Variants in DIP2A observed in about 807,000 individuals in gnomAD.
The protein encoded by DIP2A is disco-interacting protein 2 homolog A.
In DIP2A, 85 loss-of-function variants were observed where a neutral mutation model predicts 177.4. The ratio of observed to expected loss-of-function variants is 0.48; its 90% CI spans 0.40 to 0.57. DIP2A has a LOEUF of 0.57. Among genes scored for constraint, DIP2A ranks in the 20% least tolerant of loss-of-function variants. DIP2A has a pLI of 0.00. For missense variants in DIP2A, 1,791 were observed against 2,100.2 expected (o/e 0.85, Z 2.88); for synonymous variants, 886 against 881.8 (o/e 1.00, Z -0.08).
intron 18 of DIP2A, among the ~76,000 whole-genome samples, chr21:46,544,928 A>G (rs2148833872): frequency 6.6e-6 from 1 of 152,352 alleles, no homozygotes; most frequent in Admixed American, 6.5e-5. Context: ...TGGTCACCTT[A>G]CATTGATTAT....
At position 46,459,159 on chromosome 21, in the gene DIP2A, G is replaced by T. The variant is rs975645606; in HGVS notation, c.28G>T (p.Ala10Ser). 1.9e-5 allele frequency: 29 copies of T among 1,519,346 alleles called. No individual in the cohort carries two copies. The highest frequency in any genetic ancestry group is 2.5e-5 in the Non-Finnish European group (28 of 1,134,524). 94.1% of individuals were successfully genotyped at this position (1,519,346 alleles called of 1,614,324 possible). Reference protein sequence around the residue: MADRGCPLEAAPLPAEVRES... With the variant: MADRGCPLESAPLPAEVRES... ...GGCTGACCGCGGGTGCCCGCTGGAG[G>T]CGGCGCCGCTGCCTGCCGAGGTGCG... The change falls in exon 1 of 38, where the codon GCG becomes TCG. Residue 10 changes from alanine to serine, a missense_variant. Coordinates refer to ENST00000417564, the MANE Select transcript of DIP2A (RefSeq NM_015151.4).
At chr21:46,546,095 C>T in intron 20 of DIP2A, 134 bp downstream of exon 20, 1 of 1,511,074 alleles carries the variant, frequency 6.6e-7, no homozygotes, top group Non-Finnish European at 8.9e-7. Context: ...GTGGCGCTGA[C>T]CTCCCTGCCC....
chr21:46,529,971 C>A (rs1308868417), intron 9 of DIP2A, among the ~76,000 whole-genome samples: 1 of 152,058 alleles, frequency 6.6e-6, no homozygotes, highest in Non-Finnish European at 1.5e-5. Context: ...TTAAATTAAC[C>A]AAAATTAAAT....
At position 46,537,510 on chromosome 21, in the gene DIP2A, C is replaced by T; in HGVS notation, c.1772C>T (p.Ser591Phe). Residue 591 changes from serine (S) to phenylalanine (F), a missense_variant, in exon 15 of 38, where the codon TCC (serine) becomes TTC (phenylalanine). Coordinates refer to ENST00000417564, the MANE Select transcript of DIP2A (RefSeq NM_015151.4). This position sits in a 1 kb window ranked among gnomAD's most constrained non-coding sequence, Gnocchi z 4.1. ...PYALMKANPL[S>F]WIQKVCFYKA... ...GCGCTGATGAAGGCGAACCCACTCT[C>T]CTGGATCCAGAAAGTGTGCTTCTAT... is the stretch of plus-strand genomic sequence containing the variant. The T allele has an allele frequency of 6.2e-7, 1 of 1,614,222 alleles. No individual in the cohort carries two copies. Among genetic ancestry groups the T allele is most frequent in the Non-Finnish European group, 8.5e-7 (1 of 1,180,042 alleles).
At chr21:46,574,074 G>A (rs1463946416), downstream of DIP2A, among the ~76,000 whole-genome samples, 1 of 152,092 alleles carries the variant, frequency 6.6e-6, no homozygotes, top group East Asian at 1.9e-4. Flanking sequence ...AAGTTCACAT[G>A]GAACATTTTC....
At chr21:46,473,204 A>G (rs747023626) in intron 1 of DIP2A, among the ~76,000 whole-genome samples, 1 of 152,156 alleles carries the variant, frequency 6.6e-6, no homozygotes. Flanking sequence ...AACTCAGTGA[A>G]TCTTGTAAAC....
At chr21:46,463,719 T>TGTGTGTGTGTGTGTGTGTGTG (rs35675489) in intron 1 of DIP2A, among the ~76,000 whole-genome samples, 7 of 122,400 alleles carry the variant, frequency 5.7e-5, no homozygotes, top group Admixed American at 7.3e-5. Context: ...TGTGTGTGTG[T>TGTGTGTGTGTGTGTGTGTGTG]ATATTTTGAG....
chr21:46,499,080 A>G (rs576782665), intron 5 of DIP2A, among the ~76,000 whole-genome samples: 1 of 152,352 alleles, frequency 6.6e-6, no homozygotes, highest in African/African-American at 2.4e-5. Flanking sequence ...ATATTTGGTT[A>G]ATTCATCATT....
chr21:46,534,671 G>A lies in DIP2A; in HGVS notation c.1626G>A (p.Ala542=), dbSNP rs570134572. Residue 542 remains alanine (A), a synonymous_variant, in exon 13 of 38, where the codon GCG becomes GCA. Coordinates refer to ENST00000417564, the MANE Select transcript of DIP2A (RefSeq NM_015151.4). The part of the protein sequence containing the change: ...LLAQCRALTQ[A]CGYSEAETLT... ...CACAGTGCCGGGCTCTGACCCAGGC[G>A]TGCGGGTACTCAGAAGGTAAGGGCT... 77 of 1,609,950 alleles carry A rather than the reference G, an allele frequency of 4.8e-5. 2 individuals are homozygous for A. The South Asian group carries it at 6.6e-4, about 14-fold the overall frequency.
chr21:46,491,215 G>A (rs1266327763), intron 3 of DIP2A, among the ~76,000 whole-genome samples: 1 of 151,860 alleles, frequency 6.6e-6, no homozygotes, highest in African/African-American at 2.4e-5. Flanking sequence ...CAATAGAATG[G>A]CCATTGAAAA....
chr21:46,495,449 G>A (rs913049169), intron 3 of DIP2A, among the ~76,000 whole-genome samples: 7 of 151,666 alleles, frequency 4.6e-5, no homozygotes, highest in African/African-American at 1.7e-4. Context: ...TGTGTTTTTA[G>A]TAGAGACAGG....
intron 25 of DIP2A, 130 bp from the exon 26 acceptor site, chr21:46,554,038 CA>C (rs1348957890): frequency 2.4e-6 from 3 of 1,257,340 alleles, no homozygotes; most frequent in Non-Finnish European, 3.2e-6. Context: ...AGGACTGACA[CA>C]TTGTCATTAT....
At chr21:46,468,412 T>TAAA (rs59835943) in intron 1 of DIP2A, among the ~76,000 whole-genome samples, 1 of 142,604 alleles carries the variant, frequency 7.0e-6, no homozygotes, top group Non-Finnish European at 1.5e-5. Context: ...ATACCCTGTC[T>TAAA]AAAAAAAAAA....
At chr21:46,508,485 A>G (rs931215286) in intron 6 of DIP2A, among the ~76,000 whole-genome samples, 6 of 149,402 alleles carry the variant, frequency 4.0e-5, no homozygotes, top group Non-Finnish European at 7.4e-5. Flanking sequence ...CAGCCTCCCG[A>G]GTAGCTGGGA....
intron 6 of DIP2A, among the ~76,000 whole-genome samples, chr21:46,507,782 C>A (rs79117852): frequency 6.7e-6 from 1 of 148,636 alleles, no homozygotes; most frequent in African/African-American, 2.5e-5. Flanking sequence ...CTCACCGCAG[C>A]CTCTGCCTTC....
rs767484239 is a variant in DIP2A, at chr21:46,545,922, G to A, written c.2355G>A (p.Arg785=). The A allele has an allele frequency of 6.2e-7, 1 of 1,614,018 alleles. No individual in the cohort carries two copies. Among genetic ancestry groups the A allele is most frequent in the South Asian group, 1.1e-5 (1 of 91,074 alleles). ...VTTGGAPIFD[R]PFTRTGLLGF... ...CAGGAGGAGCACCCATCTTTGACAG[G>A]CCATTCACCAGGACAGGCCTGCTGG... Residue 785 remains arginine, a synonymous_variant, in exon 20 of 38, where the codon AGG becomes AGA. Transcript: ENST00000417564.
chr21:46,511,079 C>G (rs2148626886), intron 7 of DIP2A, among the ~76,000 whole-genome samples: 1 of 152,274 alleles, frequency 6.6e-6, no homozygotes, highest in African/African-American at 2.4e-5. Flanking sequence ...CCTGGCTGTT[C>G]ACCGCTGTGG....
chr21:46,519,774 G>C (rs1441802360), intron 8 of DIP2A, among the ~76,000 whole-genome samples: 1 of 148,284 alleles, frequency 6.7e-6, no homozygotes, highest in African/African-American at 2.5e-5. Flanking sequence ...GGATTTTCAT[G>C]AACTGGGTAA....
chr21:46,498,335 C>T lies in DIP2A; in HGVS notation c.404-247C>T, dbSNP rs2057467544. Among the ~76,000 whole-genome samples the T allele has an allele frequency of 1.3e-5, 2 of 152,152 alleles. No homozygotes were observed. Among genetic ancestry groups the T allele is most frequent in the African/African-American group, 2.4e-5 (1 of 41,432 alleles). On this transcript the variant is annotated intron_variant, in intron 4 of 37. Transcript: ENST00000417564. This position sits in a 1 kb window ranked among gnomAD's most constrained non-coding sequence, Gnocchi z 4.3. ...CTGTCTTCACTGAGTGTGTCTGGTACCCTGTGGCTGAGTTCTCTCTGGGGA... is the reference window on the plus strand; with the variant it reads ...CTGTCTTCACTGAGTGTGTCTGGTATCCTGTGGCTGAGTTCTCTCTGGGGA...
Sources: gnomAD v4.1 joint callset for allele counts (sites outside exome capture counted in the v4.1 genomes callset) on GRCh38, gnomAD v4.1.1 for gene constraint, Gnocchi (gnomAD v3.1) non-coding constraint, MANE v1.5 for transcripts, NCBI Gene and HGNC (gene_info 2026-07-23, HGNC 2026-07-21) for gene names.